Variants in EML2 observed in about 807,000 individuals in gnomAD.
The protein encoded by EML2 is EMAP like 2, also known as echinoderm microtubule-associated protein-like 2.
A neutral mutation model predicts 84.7 loss-of-function variants in EML2; 59 were observed. The ratio of observed to expected loss-of-function variants is 0.70; its 90% CI spans 0.56 to 0.86. EML2 has a LOEUF of 0.86. Among genes scored for constraint, EML2 ranks in the 40% least tolerant of loss-of-function variants. The probability of loss-of-function intolerance (pLI) is 0.00; values close to 1 mark genes in which losing one functional copy is unlikely to be tolerated. For synonymous variants in EML2, 352 were observed against 348.9 expected (o/e 1.01, Z -0.10); for missense variants, 818 against 855.6 (o/e 0.96, Z 0.55).
At chr19:45,610,186 A>G (rs1046379671) in intron 18 of EML2, among the ~76,000 whole-genome samples, 7 of 146,694 alleles carry the variant, frequency 4.8e-5, no homozygotes, top group Non-Finnish European at 9.0e-5. Context: ...TCACAAGGTC[A>G]GGAGATCAAG....
intron 8 of EML2, 148 bp from the exon 9 acceptor site, chr19:45,624,966 C>T: frequency 1.6e-6 from 1 of 629,876 alleles, no homozygotes; most frequent in Non-Finnish European, 2.8e-6. Flanking sequence ...CCTTCTCCCA[C>T]CTGCCTCCAT....
chr19:45,625,590 TCTC>T, intron 8 of EML2, among the ~76,000 whole-genome samples: 1 of 152,182 alleles, frequency 6.6e-6, no homozygotes, highest in East Asian at 1.9e-4. Flanking sequence ...TCATCCTGTC[TCTC>T]CTCCTCCCTC....
chr19:45,617,116 C>A (rs780307526), intron 13 of EML2, among the ~76,000 whole-genome samples: 4 of 151,634 alleles, frequency 2.6e-5, no homozygotes, highest in Non-Finnish European at 5.9e-5. Context: ...CGTGGTGGCA[C>A]GTGCCTGTAA....
intron 15 of EML2, chr19:45,616,117 T>C (rs1197758973): frequency 5.3e-6 from 3 of 564,236 alleles, no homozygotes; most frequent in South Asian, 4.2e-5. Flanking sequence ...TAGAACACAA[T>C]GGGAGTTTAG....
intron 8 of EML2, 41 bp downstream of exon 8, chr19:45,626,662 CCT>C (rs1276760346): frequency 6.3e-7 from 1 of 1,580,438 alleles, no homozygotes; most frequent in African/African-American, 1.3e-5. Context: ...TCCCTAACTA[CCT>C]CTCTCAGGGC....
At chr19:45,609,938 A>G (rs1970313411) in intron 18 of EML2, 150 bp from the exon 19 acceptor site, 1 of 885,138 alleles carries the variant, frequency 1.1e-6, no homozygotes, top group Non-Finnish European at 1.6e-6. Context: ...GTATGAGCAC[A>G]GCTTCAATGC....
Position 45,619,281 on chromosome 19 carries a change from C to T in EML2, c.1123-90G>A, listed in dbSNP as rs1319723826. 1.0e-5 allele frequency: 15 copies of T among 1,459,804 alleles called. No individual in the cohort carries two copies. The East Asian group carries it at 3.1e-4, about 30-fold the overall frequency. The allele number at this position is 1,459,804 out of a possible 1,614,324, so 90.4% of individuals were successfully genotyped here. The stretch of plus-strand genomic sequence containing the variant: ...TGCCAGACAAATGCTAGATGAGCCC[C>T]AGCAACTCACCCTGCCCCAGCGGGA... On this transcript the variant is annotated intron_variant, in intron 11 of 18. Coordinates refer to ENST00000245925, the MANE Select transcript of EML2 (RefSeq NM_012155.4).
At chr19:45,633,233 GT>G in intron 4 of EML2, 94 bp from the exon 5 acceptor site, 2 of 1,258,146 alleles carry the variant, frequency 1.6e-6, no homozygotes, top group Non-Finnish European at 2.3e-6. Context: ...GGCTGGTTGA[GT>G]TTAGTCAATA....
At chr19:45,633,031 G>C in intron 5 of EML2, 39 bp downstream of exon 5, 1 of 1,596,910 alleles carries the variant, frequency 6.3e-7, no homozygotes, top group South Asian at 1.1e-5. Context: ...CCACAACTGC[G>C]TCCTGCACTC....
intron 14 of EML2, 82 bp downstream of exon 14, chr19:45,616,683 G>T: frequency 6.9e-7 from 1 of 1,452,494 alleles, no homozygotes. Flanking sequence ...TCGCTTCGCA[G>T]GCTCCACCCC....
chr19:45,625,751 G>A (rs1436566000), intron 8 of EML2, among the ~76,000 whole-genome samples: 6 of 152,214 alleles, frequency 3.9e-5, no homozygotes, highest in Non-Finnish European at 8.8e-5. Flanking sequence ...AGCCCTATGG[G>A]AGGAAGCCCT....
chr19:45,645,114 C>A (rs185741795), upstream of EML2, among the ~76,000 whole-genome samples: 1 of 151,872 alleles, frequency 6.6e-6, no homozygotes, highest in Non-Finnish European at 1.5e-5. Context: ...GTTTTGGGGA[C>A]CAGGGACCTT....
chr19:45,637,673 T>TC (rs1973919683), intron 3 of EML2, among the ~76,000 whole-genome samples: 3 of 93,596 alleles, frequency 3.2e-5, no homozygotes, highest in Non-Finnish European at 7.4e-5. Context: ...TTTTCTTTTT[T>TC]TTTTTTTTTT....
chr19:45,616,901 CAG>C (rs752047096), intron 13 of EML2, 48 bp from the exon 14 acceptor site: 15 of 1,399,836 alleles, frequency 1.1e-5, no homozygotes, highest in East Asian at 7.0e-5. Flanking sequence ...GCTGATCTGA[CAG>C]AGAGAGGCCG....
rs370090535 is a variant in EML2 at position 45,625,688 on chromosome 19, T to C, written c.742-870A>G. On this transcript the variant is annotated intron_variant, in intron 8 of 18. Coordinates refer to ENST00000245925, the MANE Select transcript of EML2 (RefSeq NM_012155.4). ...CTCTGTTTCATCTCCGTGCCCAGTG[T>C]TCTCTGGGCTTCCCTTTTGGGGTGG... is the stretch of plus-strand genomic sequence containing the variant. Among the ~76,000 whole-genome samples, 190 of 152,244 alleles carry C rather than the reference T, an allele frequency of 1.2e-3. 2 individuals are homozygous for C. Among genetic ancestry groups the C allele is most frequent in the African/African-American group, 4.1e-3 (169 of 41,548 alleles).
At chr19:45,625,075 C>T (rs1037959628) in intron 8 of EML2, among the ~76,000 whole-genome samples, 1 of 152,130 alleles carries the variant, frequency 6.6e-6, no homozygotes, top group Admixed American at 6.6e-5. Flanking sequence ...GTCCCCCTGA[C>T]TCTTTCTTTT....
intron 11 of EML2, chr19:45,619,562 T>A (rs568212889): frequency 6.2e-6 from 1 of 161,456 alleles, no homozygotes; most frequent in Admixed American, 6.2e-5. Flanking sequence ...TCTGCCTGCA[T>A]CCAGACAGAG....
chr19:45,634,568 A>AT, intron 3 of EML2, 97 bp from the exon 4 acceptor site: 3 of 965,642 alleles, frequency 3.1e-6, no homozygotes, highest in African/African-American at 1.7e-5. Context: ...TTTTTTATTT[A>AT]TTTATTTTTT....
chr19:45,629,364 T>C (rs1972751695), intron 7 of EML2, among the ~76,000 whole-genome samples: 1 of 152,002 alleles, frequency 6.6e-6, no homozygotes, highest in African/African-American at 2.4e-5. Context: ...TAGCTCTTGT[T>C]GCCCAGGCTG....
Sources: allele counts gnomAD v4.1 joint callset (sites outside exome capture counted in the v4.1 genomes callset), GRCh38; gene constraint gnomAD v4.1.1; transcripts MANE v1.5; gene names NCBI Gene and HGNC (gene_info 2026-07-23, HGNC 2026-07-21).